ZMYM2: variants seen among roughly 807,000 people sequenced by gnomAD.
ZMYM2 encodes the protein zinc finger MYM-type protein 2.
ZMYM2 carries 56 observed loss-of-function variants against 162.8 expected under a neutral mutation model. The observed-to-expected ratio is 0.34, with a 90% confidence interval of 0.28 to 0.43. The LOEUF (loss-of-function observed/expected upper bound fraction) is 0.43. Ranked by LOEUF, ZMYM2 falls within the 20% of genes least tolerant of loss-of-function variation. ZMYM2 has a pLI of 1.00. For missense variants in ZMYM2, 1,275 were observed against 1,621.8 expected (o/e 0.79, Z 3.67); for synonymous variants, 510 against 541.6 (o/e 0.94, Z 0.81).
the ZMYM2 span, among the ~76,000 whole-genome samples, chr13:19,886,882 G>A: frequency 2.7e-5 from 4 of 150,800 alleles, no homozygotes; most frequent in South Asian, 4.2e-4. Context: ...GGCTGGTCTC[G>A]GACTCTTGGC....
chr13:19,872,724 C>A, the ZMYM2 span, among the ~76,000 whole-genome samples: 1 of 152,060 alleles, frequency 6.6e-6, no homozygotes, highest in African/African-American at 2.4e-5. Flanking sequence ...ATAGACCAGG[C>A]GCGGTTGCTC....
intron 9 of ZMYM2, among the ~76,000 whole-genome samples, chr13:20,027,656 C>A (rs1952707350): frequency 6.6e-6 from 1 of 152,022 alleles, no homozygotes; most frequent in Non-Finnish European, 1.5e-5. Context: ...GGATAGAGGA[C>A]CTAGATGTAT....
At chr13:19,954,126 ATTT>A (rs781288600), upstream of ZMYM2, among the ~76,000 whole-genome samples, 22 of 64,908 alleles carry the variant, frequency 3.4e-4, 1 homozygote, top group African/African-American at 7.2e-4. Flanking sequence ...GCTATGTTTA[ATTT>A]TTTTTTTTTT....
chr13:19,890,660 G>A, the ZMYM2 span, among the ~76,000 whole-genome samples: 2 of 151,546 alleles, frequency 1.3e-5, no homozygotes, highest in African/African-American at 4.9e-5. Flanking sequence ...CACGAGGTCA[G>A]GAGATCAAGA....
At chr13:19,894,352 T>G in the ZMYM2 span, among the ~76,000 whole-genome samples, 7 of 151,626 alleles carry the variant, frequency 4.6e-5, no homozygotes, top group Non-Finnish European at 7.4e-5. Flanking sequence ...TATCTTGTTT[T>G]TTTTTTTTTT....
At chr13:20,076,845 TA>T (rs1957540115) in intron 21 of ZMYM2, among the ~76,000 whole-genome samples, 1 of 150,362 alleles carries the variant, frequency 6.7e-6, no homozygotes, top group African/African-American at 2.5e-5. Context: ...TATTTTATTT[TA>T]TTTTTTTTGA....
chr13:20,008,255 T>C (rs1950901608), intron 6 of ZMYM2, among the ~76,000 whole-genome samples: 1 of 152,154 alleles, frequency 6.6e-6, no homozygotes, highest in Non-Finnish European at 1.5e-5. Flanking sequence ...TTCAGCCTCC[T>C]GAGTGGCTGG....
chr13:19,874,274 C>T, the ZMYM2 span, among the ~76,000 whole-genome samples: 1 of 152,122 alleles, frequency 6.6e-6, no homozygotes, highest in Non-Finnish European at 1.5e-5. Context: ...GGCTGGAGTG[C>T]AGTAGCGTGA....
chr13:20,032,593 TTCTG>T (rs1340072734), intron 10 of ZMYM2, among the ~76,000 whole-genome samples: 27 of 147,986 alleles, frequency 1.8e-4, no homozygotes, highest in East Asian at 3.9e-4. Flanking sequence ...ATGATTTTTT[TTCTG>T]TCTTTTTTTT....
chr13:19,984,920 A>G (rs1949010662), intron 2 of ZMYM2, among the ~76,000 whole-genome samples: 1 of 152,222 alleles, frequency 6.6e-6, no homozygotes, highest in African/African-American at 2.4e-5. Context: ...TATCAGTTCT[A>G]GCTTTTCTGC....
upstream of ZMYM2, among the ~76,000 whole-genome samples, chr13:19,953,966 GA>G (rs1342386785): frequency 4.6e-5 from 7 of 151,696 alleles, no homozygotes; most frequent in Non-Finnish European, 1.0e-4. Flanking sequence ...GACAGTGAAA[GA>G]TAATTATTCC....
chr13:20,017,796 G>GT (rs1951751179), intron 6 of ZMYM2, among the ~76,000 whole-genome samples: 1 of 151,898 alleles, frequency 6.6e-6, no homozygotes, highest in Non-Finnish European at 1.5e-5. Context: ...GTTTTCATTT[G>GT]TTTTTTAAGT....
At chr13:19,944,733 G>A in the ZMYM2 span, among the ~76,000 whole-genome samples, 59 of 152,196 alleles carry the variant, frequency 3.9e-4, no homozygotes, top group Middle Eastern at 3.4e-3. Context: ...GCAGTGGCGC[G>A]ATCTCAGCTC....
At chr13:19,891,225 G>A in the ZMYM2 span, among the ~76,000 whole-genome samples, 167 of 152,014 alleles carry the variant, frequency 1.1e-3, 2 homozygotes, top group East Asian at 0.028. Flanking sequence ...AGAGATATAA[G>A]AGAGCTTTCC....
chr13:20,061,351 C>T, intron 17 of ZMYM2, 127 bp downstream of exon 17: 2 of 824,336 alleles, frequency 2.4e-6, no homozygotes, highest in South Asian at 6.2e-5. Flanking sequence ...AGCATTGTAA[C>T]AAAAATGTTT....
chr13:19,886,162 C>CTTTTTTTTTTTTT, the ZMYM2 span, among the ~76,000 whole-genome samples: 5 of 98,442 alleles, frequency 5.1e-5, no homozygotes, highest in Non-Finnish European at 7.4e-5. Flanking sequence ...TTCTTTCTTT[C>CTTTTTTTTTTTTT]TTTTTTTTTT....
At chr13:20,080,226 G>A (rs1265691649) in intron 21 of ZMYM2, among the ~76,000 whole-genome samples, 2 of 152,118 alleles carry the variant, frequency 1.3e-5, no homozygotes, top group African/African-American at 4.8e-5. Flanking sequence ...TTATCAGTTG[G>A]TCTATCATTG....
At chr13:19,956,251 T>C (rs577409178), upstream of ZMYM2, among the ~76,000 whole-genome samples, 2 of 137,228 alleles carry the variant, frequency 1.5e-5, no homozygotes, top group East Asian at 4.8e-4. Context: ...CAGTGGTCTT[T>C]TGTGTCTTGT....
At chr13:20,070,360 AT>A in intron 21 of ZMYM2, 1 of 201,776 alleles carries the variant, frequency 5.0e-6, no homozygotes. Flanking sequence ...GGTTCCTTGC[AT>A]TTATTCATAT....
Sources: allele counts gnomAD v4.1 joint callset (sites outside exome capture counted in the v4.1 genomes callset), GRCh38; gene constraint gnomAD v4.1.1; transcripts MANE v1.5; gene names NCBI Gene and HGNC (gene_info 2026-07-23, HGNC 2026-07-21).